Variants in ADK observed in about 807,000 individuals in gnomAD.
ADK encodes adenosine kinase.
Under a neutral mutation model 44.7 loss-of-function variants are expected in ADK, and 24 were observed. That is an observed-to-expected ratio of 0.54 (90% confidence interval 0.39 to 0.76). The LOEUF is 0.76. Among genes scored for constraint, ADK ranks in the 30% least tolerant of loss-of-function variants. The pLI is 0.00. For missense variants in ADK, 321 were observed against 425.1 expected (o/e 0.76, Z 2.15); for synonymous variants, 128 against 142.6 (o/e 0.90, Z 0.73).
At chr10:74,537,092 C>T (rs568190303) in intron 7 of ADK, among the ~76,000 whole-genome samples, 2 of 152,206 alleles carry the variant, frequency 1.3e-5, no homozygotes, top group South Asian at 4.2e-4. Flanking sequence ...CCAATTTCTC[C>T]ACCTCCTCAC....
chr10:74,215,811 C>G (rs1431213160), intron 2 of ADK, among the ~76,000 whole-genome samples: 1 of 129,776 alleles, frequency 7.7e-6, no homozygotes, highest in Non-Finnish European at 1.7e-5. Context: ...GACTACAATG[C>G]CTGGCTAATT....
chr10:74,291,862 T>A (rs1847452188), intron 3 of ADK, among the ~76,000 whole-genome samples: 2 of 152,012 alleles, frequency 1.3e-5, no homozygotes, highest in African/African-American at 2.4e-5. Flanking sequence ...ATTTTGTTCT[T>A]CGTGACTTTT....
intron 10 of ADK, among the ~76,000 whole-genome samples, chr10:74,704,613 T>A (rs1256773207): frequency 6.6e-6 from 1 of 152,244 alleles, no homozygotes; most frequent in Non-Finnish European, 1.5e-5. Flanking sequence ...ATCCAGGTTC[T>A]CCACTTGTCA....
At chr10:74,633,428 T>C (rs924767484) in intron 9 of ADK, among the ~76,000 whole-genome samples, 2 of 152,178 alleles carry the variant, frequency 1.3e-5, no homozygotes, top group Non-Finnish European at 2.9e-5. Flanking sequence ...CTATTTGCAA[T>C]GACCAAAATA....
intron 9 of ADK, among the ~76,000 whole-genome samples, chr10:74,636,656 A>G (rs1374702239): frequency 6.6e-6 from 1 of 152,234 alleles, no homozygotes; most frequent in Non-Finnish European, 1.5e-5. Flanking sequence ...TATGAAATGT[A>G]GAAGTATGAA....
intron 10 of ADK, among the ~76,000 whole-genome samples, chr10:74,670,581 C>T (rs1855133343): frequency 6.6e-6 from 1 of 152,192 alleles, no homozygotes; most frequent in African/African-American, 2.4e-5. Flanking sequence ...CATAGCCCTT[C>T]AGGCTTAAAT....
At position 74,589,262 on chromosome 10, in the gene ADK, C is replaced by CT. The variant is rs112610475; in HGVS notation, c.727-8dup. ...ACCGAGCACTTTATAATTAACTGTT[C>CT]TTTTTTTTTTTTATTTCAGGAAGCT... On this transcript the variant is annotated intron_variant, in intron 7 of 10. Transcript: ENST00000539909. 0.021 allele frequency: 24,347 copies of CT among 1,158,682 alleles called. No individual in the cohort carries two copies. Among genetic ancestry groups the CT allele is most frequent in the Non-Finnish European group, 0.024 (19,824 of 820,986 alleles). The allele number at this position is 1,158,682 out of a possible 1,614,324, so 71.8% of individuals were successfully genotyped here. A position where few individuals can be genotyped will look rare whatever the true frequency, so the allele number is the denominator to read the frequency against.
intron 2 of ADK, among the ~76,000 whole-genome samples, chr10:74,217,075 A>G (rs968144383): frequency 1.3e-5 from 2 of 152,214 alleles, no homozygotes; most frequent in Non-Finnish European, 2.9e-5. Context: ...GCATTGCCTC[A>G]CTCGGGAAGC....
At chr10:74,193,269 C>CT (rs1843009705) in intron 1 of ADK, among the ~76,000 whole-genome samples, 1 of 150,668 alleles carries the variant, frequency 6.6e-6, no homozygotes, top group African/African-American at 2.4e-5. Flanking sequence ...TTTTATTATA[C>CT]TTTAAGTTTT....
At chr10:74,598,202 A>G (rs1026160022) in intron 8 of ADK, among the ~76,000 whole-genome samples, 5 of 152,152 alleles carry the variant, frequency 3.3e-5, no homozygotes, top group African/African-American at 1.2e-4. Flanking sequence ...CTTAAGTGTA[A>G]GGGAGAAGAA....
chr10:74,569,744 GT>G (rs1850862793), intron 7 of ADK, among the ~76,000 whole-genome samples: 2 of 152,192 alleles, frequency 1.3e-5, no homozygotes, highest in African/African-American at 2.4e-5. Flanking sequence ...TCTGATGGTA[GT>G]TTCTTTTGCT....
At chr10:74,170,230 G>A (rs1400801216) in intron 1 of ADK, among the ~76,000 whole-genome samples, 1 of 152,076 alleles carries the variant, frequency 6.6e-6, no homozygotes, top group Non-Finnish European at 1.5e-5. Flanking sequence ...AGCTCTAAAA[G>A]TAGGATACAC....
At chr10:74,279,134 C>T (rs1294447353) in intron 3 of ADK, among the ~76,000 whole-genome samples, 28 of 151,602 alleles carry the variant, frequency 1.8e-4, no homozygotes, top group Non-Finnish European at 2.9e-5. Context: ...CAAAAATTAG[C>T]CGGGCGTAGT....
intron 9 of ADK, among the ~76,000 whole-genome samples, chr10:74,605,765 T>A (rs1433496413): frequency 6.6e-6 from 1 of 152,184 alleles, no homozygotes; most frequent in African/African-American, 2.4e-5. Flanking sequence ...ATAAAATAAA[T>A]TAGAGAGGAG....
chr10:74,467,810 T>A (rs572672135), intron 6 of ADK, among the ~76,000 whole-genome samples: 1 of 152,226 alleles, frequency 6.6e-6, no homozygotes, highest in South Asian at 2.1e-4. Flanking sequence ...TCACAATGAA[T>A]ATAAATGTTA....
rs1007066075 is a variant in ADK, at chr10:74,215,467, C to T, written c.141-9071C>T. ...CTGGGACCACAGGCGCCTGCCACCA[C>T]GCCTGGCTAATTTTTGTATTTTTAG... On this transcript the variant is annotated intron_variant, in intron 2 of 10. Transcript: ENST00000539909. Among the ~76,000 whole-genome samples, 7 of 151,678 alleles carry T rather than the reference C, an allele frequency of 4.6e-5. No individual in the cohort carries two copies. The South Asian group carries it at 8.4e-4, about 18-fold the overall frequency.
chr10:74,429,299 C>T (rs994037326), intron 6 of ADK, among the ~76,000 whole-genome samples: 5 of 152,160 alleles, frequency 3.3e-5, no homozygotes, highest in Non-Finnish European at 7.4e-5. Flanking sequence ...ATTGCATTGA[C>T]TTTATGTCTC....
At chr10:74,466,614 G>GA (rs774152553) in intron 6 of ADK, among the ~76,000 whole-genome samples, 1 of 152,212 alleles carries the variant, frequency 6.6e-6, no homozygotes, top group East Asian at 1.9e-4. Flanking sequence ...ATACCTAATG[G>GA]AAAAACAGCA....
At chr10:74,187,469 A>G (rs1441624321) in intron 1 of ADK, among the ~76,000 whole-genome samples, 4 of 151,802 alleles carry the variant, frequency 2.6e-5, no homozygotes, top group African/African-American at 9.7e-5. Context: ...AATGCAGGTT[A>G]TTTGCCAGGT....
Sources: allele counts gnomAD v4.1 joint callset (sites outside exome capture counted in the v4.1 genomes callset), GRCh38; gene constraint gnomAD v4.1.1; transcripts MANE v1.5; gene names NCBI Gene and HGNC (gene_info 2026-07-23, HGNC 2026-07-21).